The following STEAP3 variants were observed in gnomAD, a reference collection of about 807,000 sequenced individuals.
STEAP3 encodes STEAP3 metalloreductase.
In STEAP3, 35 loss-of-function variants were observed where a neutral mutation model predicts 34.9. The observed-to-expected ratio is 1.00, with a 90% CI of 0.76 to 1.33. The LOEUF is 1.33. Among genes scored for constraint, STEAP3 ranks in the 40% most tolerant of loss-of-function variants. The pLI, the probability that STEAP3 is intolerant of heterozygous loss-of-function variation, is 0.00. For synonymous variants in STEAP3, 281 were observed against 301.6 expected (o/e 0.93, Z 0.71); for missense variants, 652 against 667.6 (o/e 0.98, Z 0.26).
At chr2:119,260,882 A>C (rs1276283665) in intron 5 of STEAP3, among the ~76,000 whole-genome samples, 1 of 152,186 alleles carries the variant, frequency 6.6e-6, no homozygotes, top group African/African-American at 2.4e-5. Flanking sequence ...GTTGTTAAAG[A>C]CTGGGCCAAG....
chr2:119,245,082 A>G (rs1335003294), intron 2 of STEAP3: 2 of 184,890 alleles, frequency 1.1e-5, no homozygotes, highest in African/African-American at 4.7e-5. Context: ...ACACCCAGCG[A>G]TGGTGAGGTT....
intron 5 of STEAP3, among the ~76,000 whole-genome samples, chr2:119,261,258 C>T (rs935888553): frequency 3.9e-5 from 6 of 152,012 alleles, no homozygotes; most frequent in African/African-American, 7.3e-5. Flanking sequence ...GTCTGTCAGC[C>T]GAGGCTCTGG....
intron 1 of STEAP3, among the ~76,000 whole-genome samples, chr2:119,226,445 A>G (rs538117505): frequency 2.6e-5 from 4 of 152,276 alleles, no homozygotes; most frequent in African/African-American, 9.6e-5. Context: ...TTAAAACCTA[A>G]GGCCAAGTTG....
At chr2:119,255,306 C>T (rs1006636224) in intron 5 of STEAP3, among the ~76,000 whole-genome samples, 7 of 152,088 alleles carry the variant, frequency 4.6e-5, no homozygotes, top group African/African-American at 1.4e-4. Context: ...TGTTGTTCCC[C>T]TTAACCCCTT....
chr2:119,225,970 C>A (rs796094160), intron 1 of STEAP3, among the ~76,000 whole-genome samples: 1 of 152,352 alleles, frequency 6.6e-6, no homozygotes, highest in African/African-American at 2.4e-5. Flanking sequence ...GCGAGTTAAC[C>A]AGTGAGGGGC....
chr2:119,253,509 A>G (rs1297456871), intron 4 of STEAP3, among the ~76,000 whole-genome samples: 2 of 151,608 alleles, frequency 1.3e-5, no homozygotes, highest in Non-Finnish European at 2.9e-5. Context: ...AAAAACCTGT[A>G]TGAGTCATTC....
chr2:119,224,042 C>T (rs1429034080), intron 1 of STEAP3, among the ~76,000 whole-genome samples, 154 bp downstream of exon 1: 1 of 152,198 alleles, frequency 6.6e-6, no homozygotes, highest in African/African-American at 2.4e-5. Flanking sequence ...GAGCCACGTG[C>T]GCCCGGCGGC....
At chr2:119,254,883 C>T (rs1677732662) in intron 5 of STEAP3, 35 bp downstream of exon 5, 6 of 1,603,428 alleles carry the variant, frequency 3.7e-6, no homozygotes, top group South Asian at 1.1e-5. Flanking sequence ...CCAGCTTCAG[C>T]GTGGCCCTGG....
rs566920823 is a variant in STEAP3 at position 119,253,409 on chromosome 2, A to G, written c.1051-1275A>G. Among the ~76,000 whole-genome samples, 79 of 151,954 alleles carry G rather than the reference A, an allele frequency of 5.2e-4. 1 individual carries two copies. The highest frequency in any genetic ancestry group is 1.9e-3 in the African/African-American group (77 of 41,476). On this transcript the variant is annotated intron_variant, in intron 4 of 5. Coordinates refer to ENST00000393110, the MANE Select transcript of STEAP3 (RefSeq NM_182915.3). ...TAAACTTTCTCTTATAAGCTGTACA[A>G]CCATTTTGCTCAGCCCAGTGGATTC...
Position 119,230,615 on chromosome 2 carries a change from G to A in STEAP3, c.-393-5G>A, listed in dbSNP as rs143205003. ...CTCTCGCTCACGTGTGTGTGCGCGC[G>A]TTAGATGACATTTATTCATTTTATG... On this transcript the variant is annotated splice_polypyrimidine_tract_variant and splice_region_variant and intron_variant, in intron 1 of 5. Transcript: ENST00000393110. 4.0e-4 allele frequency: 107 copies of A among 266,858 alleles called. No individual in the cohort carries two copies. Among genetic ancestry groups the A allele is most frequent in the Middle Eastern group, 2.6e-3 (2 of 784 alleles). The allele number at this position is 266,858 out of a possible 1,614,324, so 16.5% of individuals were successfully genotyped here.
In STEAP3 at chr2:119,254,782, G is replaced by T. The variant is rs1677728643; in HGVS notation, c.1149G>T (p.Leu383=). Residue 383 remains leucine (L), a synonymous_variant, in exon 5 of 6, where the codon CTG becomes CTT. Transcript: ENST00000393110. ...TGCTGGCCCTCGGCACGTTGTCCCT[G>T]CTGGCCGTGACCTCACTGCCGTCCA... ...LGVLALGTLS[L]LAVTSLPSIA... 6.2e-7 allele frequency: 1 copy of T among 1,614,178 alleles called. No individual in the cohort carries two copies. Among genetic ancestry groups the T allele is most frequent in the South Asian group, 1.1e-5 (1 of 91,084 alleles).
rs368688318 is a variant in STEAP3 at position 119,243,036 on chromosome 2, G to A, written c.23-2453G>A. 3.9e-5 allele frequency among the ~76,000 whole-genome samples: 6 copies of A among 152,302 alleles called. No individual in the cohort carries two copies. In the South Asian group the frequency reaches 1.2e-3, roughly 32 times the overall value. On this transcript the variant is annotated intron_variant, in intron 2 of 5. Coordinates refer to ENST00000393110, the MANE Select transcript of STEAP3 (RefSeq NM_182915.3). ...TATTCACAGGGTGGCTGTGCCTGGC[G>A]TGAGTGTCTTGGCGGGTGCCTGCAT...
chr2:119,249,695 AC>A (rs1048012997), intron 4 of STEAP3, among the ~76,000 whole-genome samples: 1 of 152,132 alleles, frequency 6.6e-6, no homozygotes, highest in Non-Finnish European at 1.5e-5. Flanking sequence ...CCTGAGAACC[AC>A]AGACCTCAGC....
At chr2:119,224,664 G>A (rs1205085746) in intron 1 of STEAP3, among the ~76,000 whole-genome samples, 1 of 152,214 alleles carries the variant, frequency 6.6e-6, no homozygotes, top group African/African-American at 2.4e-5. Flanking sequence ...CTGGCAGAGG[G>A]CACAGAGAGG....
At chr2:119,254,629 C>G in intron 4 of STEAP3, 55 bp from the exon 5 acceptor site, 1 of 1,604,776 alleles carries the variant, frequency 6.2e-7, no homozygotes, top group East Asian at 2.2e-5. Flanking sequence ...TCATTGCCCT[C>G]CCGGGGCACC....
intron 4 of STEAP3, among the ~76,000 whole-genome samples, chr2:119,250,061 C>T (rs1042339201): frequency 1.3e-5 from 2 of 152,300 alleles, no homozygotes; most frequent in Middle Eastern, 3.4e-3. Context: ...GTAACTTGGC[C>T]AAAGTCACAC....
In STEAP3 at chr2:119,263,151, A is replaced by C. The variant is rs753992611; in HGVS notation, c.1310A>C (p.Tyr437Ser). The change falls in exon 6 of 6, where the codon TAC becomes TCC. Residue 437 changes from tyrosine to serine, a missense_variant. Transcript: ENST00000393110. Reference protein sequence around the residue: ...RAFEESRYKFYLPPTFTLTLL... With the variant: ...RAFEESRYKFSLPPTFTLTLL... ...TTCGAGGAGAGCCGCTACAAGTTCT[A>C]CCTGCCTCCCACCTTCACGCTCACG... 6.2e-7 allele frequency: 1 copy of C among 1,613,864 alleles called. No individual in the cohort carries two copies. The highest frequency in any genetic ancestry group is 8.5e-7 in the Non-Finnish European group (1 of 1,180,010).
rs1041887910 is a variant in STEAP3, at chr2:119,254,904, A to G, written c.1215+56A>G. The G allele has an allele frequency of 2.7e-5, 42 of 1,576,122 alleles. No individual in the cohort carries two copies. The African/African-American group carries it at 5.4e-4, about 20-fold the overall frequency. ...TCAGCGTGGCCCTGGCCCACCTCTC[A>G]TGAGTAAGTGCTCTGCCTTTGAGAA... On this transcript the variant is annotated intron_variant, in intron 5 of 5. Transcript: ENST00000393110.
chr2:119,259,117 C>T (rs1331733237), intron 5 of STEAP3, among the ~76,000 whole-genome samples: 2 of 152,162 alleles, frequency 1.3e-5, no homozygotes, highest in African/African-American at 4.8e-5. Context: ...CTGCCTGTGA[C>T]CTTGCCCACT....
Sources: gnomAD v4.1 joint callset for allele counts (sites outside exome capture counted in the v4.1 genomes callset) on GRCh38, gnomAD v4.1.1 for gene constraint, MANE v1.5 for transcripts, NCBI Gene and HGNC (gene_info 2026-07-23, HGNC 2026-07-21) for gene names.